The following RTBDN variants were observed in gnomAD, a reference collection of about 807,000 sequenced individuals.
The protein encoded by RTBDN is retbindin.
A neutral mutation model predicts 21.9 loss-of-function variants in RTBDN; 24 were observed. The ratio of observed to expected loss-of-function variants is 1.10; its 90% CI spans 0.79 to 1.54. The LOEUF is 1.54. Among genes scored for constraint, RTBDN ranks in the 40% most tolerant of loss-of-function variants. The pLI is 0.00. For synonymous variants in RTBDN, 141 were observed against 125.9 expected (o/e 1.12, Z -0.80); for missense variants, 325 against 315.2 (o/e 1.03, Z -0.23).
Position 12,830,780 on chromosome 19 carries a change from C to T in RTBDN, c.-18-783G>A, listed in dbSNP as rs912163818. ...GACTTGGGGCTGGTGTGTATATATC[C>T]TTGTGTTTGTTTTTATGTTCAGCTT... On this transcript the variant is annotated intron_variant, in intron 1 of 5. Coordinates refer to ENST00000674343, the MANE Select transcript of RTBDN (RefSeq NM_001270441.2). This position sits in a 1 kb window ranked among gnomAD's most constrained non-coding sequence, Gnocchi z 4.2. 2 of 513,718 alleles carry T rather than the reference C, an allele frequency of 3.9e-6. No individual in the cohort carries two copies. Among genetic ancestry groups the T allele is most frequent in the African/African-American group, 4.2e-5 (2 of 48,052 alleles). 31.8% of individuals were successfully genotyped at this position (513,718 alleles called of 1,614,324 possible).
chr19:12,835,183 G>C, upstream of RTBDN: 1 of 1,378,360 alleles, frequency 7.3e-7, no homozygotes, highest in East Asian at 2.3e-5. Flanking sequence ...ATGGTGATCA[G>C]ACTGCAGGAA....
At chr19:12,826,053 G>T (rs984402213) in intron 5 of RTBDN, 120 bp from the exon 6 acceptor site, 10 of 1,425,156 alleles carry the variant, frequency 7.0e-6, no homozygotes, top group Non-Finnish European at 9.2e-7. Flanking sequence ...GGAGCGTGCG[G>T]CCTGGGAGTC....
Position 12,825,945 on chromosome 19 carries a change from T to A in RTBDN, c.463-12A>T. The A allele has an allele frequency of 6.4e-7, 1 of 1,563,596 alleles. No individual in the cohort carries two copies. The highest frequency in any genetic ancestry group is 8.7e-7 in the Non-Finnish European group (1 of 1,151,380). ...CCGTCTGCGAAGGTCTAGGAAAAAGTGGAGTTAAGGCCCTAGTGGGCGGAG... is the reference window on the plus strand; with the variant it reads ...CCGTCTGCGAAGGTCTAGGAAAAAGAGGAGTTAAGGCCCTAGTGGGCGGAG... On this transcript the variant is annotated splice_polypyrimidine_tract_variant and intron_variant, in intron 5 of 5. Coordinates refer to ENST00000674343, the MANE Select transcript of RTBDN (RefSeq NM_001270441.2).
At chr19:12,831,707 A>AAAAC (rs936618690) in intron 1 of RTBDN, among the ~76,000 whole-genome samples, 11 of 152,224 alleles carry the variant, frequency 7.2e-5, no homozygotes, top group African/African-American at 1.4e-4. Flanking sequence ...CTCTGTCTCA[A>AAAAC]AAACAAACAA....
chr19:12,825,691 A>C lies in RTBDN; in HGVS notation c.*15T>G, dbSNP rs1044708688. 6.4e-7 allele frequency: 1 copy of C among 1,551,968 alleles called. No homozygotes were observed. The highest frequency in any genetic ancestry group is 1.2e-5 in the South Asian group (1 of 84,322). ...GGGGGAAGGGTCGCTCCCCCAACTCAGGGCCACGCGTCCGCTAGGGGCCGC... is the reference window on the plus strand; with the variant it reads ...GGGGGAAGGGTCGCTCCCCCAACTCCGGGCCACGCGTCCGCTAGGGGCCGC... On this transcript the variant is annotated 3_prime_UTR_variant, in exon 6 of 6. Coordinates refer to ENST00000674343, the MANE Select transcript of RTBDN (RefSeq NM_001270441.2).
chr19:12,828,252 C>T (rs928393969), intron 4 of RTBDN, among the ~76,000 whole-genome samples: 10 of 151,822 alleles, frequency 6.6e-5, no homozygotes, highest in Admixed American at 2.6e-4. Flanking sequence ...AAAAATTAGC[C>T]GGGCATGGTG....
In RTBDN at chr19:12,825,596, C is replaced by G. The variant is rs1258657120; in HGVS notation, c.*110G>C. 2.1e-6 allele frequency: 3 copies of G among 1,431,224 alleles called. No homozygotes were observed. The highest frequency in any genetic ancestry group is 2.8e-6 in the Non-Finnish European group (3 of 1,089,078). 88.7% of individuals were successfully genotyped at this position (1,431,224 alleles called of 1,614,324 possible). A position where few individuals can be genotyped will look rare whatever the true frequency, so the allele number is the denominator to read the frequency against. On this transcript the variant is annotated 3_prime_UTR_variant, in exon 6 of 6. Transcript: ENST00000674343. ...TGGAGCTCCAGGGAGGAGGGACAGA[C>G]ATCTCAAAACTATTACAGAAGGCCG...
chr19:12,834,753 C>T (rs951454348), upstream of RTBDN: 2 of 1,609,340 alleles, frequency 1.2e-6, no homozygotes, highest in African/African-American at 2.7e-5. This position sits in a 1 kb window ranked among gnomAD's most constrained non-coding sequence, Gnocchi z 4.7. Context: ...GTGGGGAAGG[C>T]GGGGACAAAC....
Position 12,830,279 on chromosome 19 carries a change from C to T in RTBDN, c.-18-282G>A, listed in dbSNP as rs1969517952. ...CCTCCTCCCATCCAGCAGGATCTCC[C>T]ACCTTTTTAGTCTTCAAGAGACCCC... On this transcript the variant is annotated intron_variant, in intron 1 of 5. Coordinates refer to ENST00000674343, the MANE Select transcript of RTBDN (RefSeq NM_001270441.2). The surrounding 1 kb of genome is among the most constrained non-coding windows in gnomAD (Gnocchi z 4.2). The T allele has an allele frequency of 8.5e-7, 1 of 1,180,688 alleles. No individual in the cohort carries two copies. The highest frequency in any genetic ancestry group is 1.6e-5 in the African/African-American group (1 of 63,864). The allele number at this position is 1,180,688 out of a possible 1,614,324, so 73.1% of individuals were successfully genotyped here.
At chr19:12,826,054 C>T (rs1017174528) in intron 5 of RTBDN, 121 bp from the exon 6 acceptor site, 1 of 1,423,022 alleles carries the variant, frequency 7.0e-7, no homozygotes, top group Admixed American at 3.0e-5. Context: ...GAGCGTGCGG[C>T]CTGGGAGTCT....
At position 12,829,886 on chromosome 19, in the gene RTBDN, G is replaced by T. The variant is rs144005673; in HGVS notation, c.94C>A (p.Arg32Ser). 1.2e-6 allele frequency: 2 copies of T among 1,614,114 alleles called. No homozygotes were observed. Among genetic ancestry groups the T allele is most frequent in the African/African-American group, 1.3e-5 (1 of 75,016 alleles). The change falls in exon 2 of 6, where the codon CGC becomes AGC. Residue 32 changes from arginine (R) to serine (S), a missense_variant. By Grantham distance (110) the Arg-to-Ser change is moderately radical. Transcript: ENST00000674343. Reference sequence around the variant, plus strand: ...TGCTGGGACCTGGCTTGGAGTGGGCGGCTCCCTCCACAGGCTTCTAGCAGG... The same window carrying T: ...TGCTGGGACCTGGCTTGGAGTGGGCTGCTCCCTCCACAGGCTTCTAGCAGG... ...WILLEACGGSRPLQARSQQHH... is the reference protein window; with the variant it reads ...WILLEACGGSSPLQARSQQHH...
chr19:12,825,887 G>T lies in RTBDN; in HGVS notation c.509C>A (p.Ala170Asp), dbSNP rs147048498. 1 of 1,612,894 alleles carries T rather than the reference G, an allele frequency of 6.2e-7. No homozygotes were observed. The highest frequency in any genetic ancestry group is 8.5e-7 in the Non-Finnish European group (1 of 1,179,506). ...TDLCRSALGH[A>D]LPVAAPGARH... ...GGCTCCAGGAGCAGCCACCGGTAGG[G>T]CGTGGCCCAGAGCCGAGCGACAAAG... Residue 170 changes from alanine to aspartate, a missense_variant, in exon 6 of 6, where the codon GCC becomes GAC. Physicochemically the swap from Ala to Asp is moderately radical, Grantham distance 126. Coordinates refer to ENST00000674343, the MANE Select transcript of RTBDN (RefSeq NM_001270441.2).
chr19:12,825,846 T>A lies in RTBDN; in HGVS notation c.550A>T (p.Ile184Phe). The change falls in exon 6 of 6, where the codon ATC (isoleucine) becomes TTC (phenylalanine). Residue 184 changes from isoleucine (I) to phenylalanine (F), a missense_variant. Transcript: ENST00000674343. ...GGACGAGGTACCGCGGAGATGGAGA[T>A]GTTGAAGCAGTGACGGGCTCCAGGA... ...AAPGARHCFNISISAVPRPRP... is the reference protein window; with the variant it reads ...AAPGARHCFNFSISAVPRPRP... 1 of 1,613,254 alleles carries A rather than the reference T, an allele frequency of 6.2e-7. No homozygotes were observed. The highest frequency in any genetic ancestry group is 1.1e-5 in the South Asian group (1 of 90,992).
chr19:12,827,723 C>T (rs1372100600), intron 4 of RTBDN, among the ~76,000 whole-genome samples: 1 of 152,178 alleles, frequency 6.6e-6, no homozygotes, highest in Non-Finnish European at 1.5e-5. Context: ...CCTGCCTTGA[C>T]CTCTCAAACG....
chr19:12,826,690 G>A (rs746131674), intron 5 of RTBDN, 85 bp downstream of exon 5: 28 of 1,010,108 alleles, frequency 2.8e-5, no homozygotes, highest in Middle Eastern at 3.1e-4. Flanking sequence ...ATGAAACTCC[G>A]TCTCAGAAAT....
chr19:12,826,685 ACTCCGTCTC>A (rs1969313417), intron 5 of RTBDN, 81 bp downstream of exon 5: 4 of 999,350 alleles, frequency 4.0e-6, no homozygotes, highest in Non-Finnish European at 6.0e-6. Context: ...CAAGAATGAA[ACTCCGTCTC>A]AGAAATAAAT....
chr19:12,835,150 G>GA, upstream of RTBDN: 1 of 1,587,608 alleles, frequency 6.3e-7, no homozygotes, highest in South Asian at 1.1e-5. Context: ...AAGGGGAGCT[G>GA]ATTGGTCAGT....
intron 2 of RTBDN, chr19:12,829,175 CAT>C: frequency 1.4e-6 from 1 of 690,510 alleles, no homozygotes; most frequent in Non-Finnish European, 2.3e-6. Context: ...GGTAGTGACA[CAT>C]ATACTTAATC....
At chr19:12,835,068 G>T, upstream of RTBDN, 5 of 1,611,922 alleles carry the variant, frequency 3.1e-6, no homozygotes, top group Middle Eastern at 1.7e-4. Context: ...GGGAAAAGAG[G>T]ATTCAAACCC....
Sources: gnomAD v4.1 joint callset for allele counts (sites outside exome capture counted in the v4.1 genomes callset) on GRCh38, gnomAD v4.1.1 for gene constraint, Gnocchi (gnomAD v3.1) non-coding constraint, MANE v1.5 for transcripts, NCBI Gene and HGNC (gene_info 2026-07-23, HGNC 2026-07-21) for gene names.